The following SMARCA4 variants were observed in gnomAD, a reference collection of about 807,000 sequenced individuals.
SMARCA4 encodes SWI/SNF-related matrix-associated actin-dependent regulator of chromatin subfamily A member 4.
Under a neutral mutation model 193.9 loss-of-function variants are expected in SMARCA4, and 31 were observed. That is an observed-to-expected ratio of 0.16 (90% CI 0.12 to 0.22). The LOEUF (loss-of-function observed/expected upper bound fraction) is 0.22. Among genes scored for constraint, SMARCA4 ranks in the 10% least tolerant of loss-of-function variants. The probability of loss-of-function intolerance (pLI) is 1.00; values close to 1 mark genes in which losing one functional copy is unlikely to be tolerated. For synonymous variants in SMARCA4, 942 were observed against 933.1 expected, an observed-to-expected ratio of 1.01 and a Z score of -0.17; for missense variants, 1,148 against 2,296.0, an observed-to-expected ratio of 0.50 and a Z score of 10.22.
intron 1 of SMARCA4, among the ~76,000 whole-genome samples, chr19:10,963,752 C>T (rs1055860349): frequency 2.7e-5 from 4 of 150,922 alleles, no homozygotes; most frequent in Admixed American, 1.3e-4. Context: ...GCACCTGATG[C>T]GTAGTGAACA....
At chr19:11,057,043 A>G (rs145647929) in intron 30 of SMARCA4, among the ~76,000 whole-genome samples, 1 of 152,360 alleles carries the variant, frequency 6.6e-6, no homozygotes, top group East Asian at 1.9e-4. Context: ...CTGATGAGGC[A>G]GCTGGAGTTA....
chr19:10,985,167 G>T lies in SMARCA4; in HGVS notation c.223-106G>T. 1.7e-6 allele frequency: 2 copies of T among 1,167,578 alleles called. No individual in the cohort carries two copies. The highest frequency in any genetic ancestry group is 2.4e-5 in the East Asian group (1 of 42,476). The allele number at this position is 1,167,578 out of a possible 1,614,324, so 72.3% of individuals were successfully genotyped here. On this transcript the variant is annotated intron_variant, in intron 2 of 34. Transcript: ENST00000344626. The surrounding 1 kb of genome is among the most constrained non-coding windows in gnomAD (Gnocchi z 4.5). The stretch of plus-strand genomic sequence containing the variant: ...GACTGGGGAGATGCGCGTCATCTTC[G>T]GGTGGCTGTTCTCGGTGCCCTCGAG...
chr19:11,056,191 CAG>C (rs932310297), intron 30 of SMARCA4: 14 of 152,378 alleles, frequency 9.2e-5, no homozygotes, highest in African/African-American at 2.9e-4. Context: ...TTTCCCGACT[CAG>C]AGGGGAGTCG....
At chr19:10,973,486 CG>C (rs1422837746) in intron 1 of SMARCA4, among the ~76,000 whole-genome samples, 2 of 151,922 alleles carry the variant, frequency 1.3e-5, no homozygotes, top group Non-Finnish European at 2.9e-5. Context: ...CTGCAAGCTC[CG>C]CCTACCAGGT....
At chr19:11,060,832 T>G (rs2076822624) in intron 34 of SMARCA4, among the ~76,000 whole-genome samples, 1 of 152,202 alleles carries the variant, frequency 6.6e-6, no homozygotes, top group African/African-American at 2.4e-5. Flanking sequence ...GAATGCCATT[T>G]TGTCATCACA....
chr19:11,027,706 G>A (rs2146537603), intron 23 of SMARCA4, 78 bp from the exon 24 acceptor site: 3 of 1,532,128 alleles, frequency 2.0e-6, no homozygotes, highest in Non-Finnish European at 2.7e-6. Flanking sequence ...GGCGGGCGAT[G>A]CACCTCCTGC....
rs1016582247 is a variant in SMARCA4 at position 11,034,794 on chromosome 19, C to A, written c.3952-120C>A. On this transcript the variant is annotated intron_variant, in intron 28 of 34. Coordinates refer to ENST00000344626, the MANE Select transcript of SMARCA4 (RefSeq NM_003072.5). This position sits in a 1 kb window ranked among gnomAD's most constrained non-coding sequence, Gnocchi z 7.0. The stretch of plus-strand genomic sequence containing the variant: ...AAATCGAGAGCTACTGTTTAACTCT[C>A]GCAGCAGCGTGGAGCCCCACGGGCA... The A allele has an allele frequency of 2.7e-6, 2 of 737,538 alleles. No homozygotes were observed. The highest frequency in any genetic ancestry group is 4.8e-6 in the Non-Finnish European group (2 of 420,306). 45.7% of individuals were successfully genotyped at this position (737,538 alleles called of 1,614,324 possible).
At chr19:11,055,349 C>T (rs1257981610) in intron 30 of SMARCA4, among the ~76,000 whole-genome samples, 1 of 152,150 alleles carries the variant, frequency 6.6e-6, no homozygotes, top group Non-Finnish European at 1.5e-5. Flanking sequence ...GTCACCACGC[C>T]TGGCTCATTT....
intron 11 of SMARCA4, among the ~76,000 whole-genome samples, chr19:10,998,627 G>T (rs2087316798): frequency 6.6e-6 from 1 of 150,958 alleles, no homozygotes; most frequent in South Asian, 2.1e-4. Flanking sequence ...CTTTCTCTTT[G>T]GTCCTGTTAG....
chr19:10,963,249 G>C lies in SMARCA4; in HGVS notation c.-32+2075G>C, dbSNP rs1006772544. On this transcript the variant is annotated intron_variant, in intron 1 of 34. Coordinates refer to ENST00000344626, the MANE Select transcript of SMARCA4 (RefSeq NM_003072.5). ...TTAGCCGAGTGTGGTGGCATGCACC[G>C]GTGGTCCCAACTACTCAGGAGGCTG... is the stretch of plus-strand genomic sequence containing the variant. Among the ~76,000 whole-genome samples the C allele has an allele frequency of 2.6e-5, 4 of 151,552 alleles. No individual in the cohort carries two copies. The Admixed American group carries it at 2.6e-4, about 10-fold the overall frequency.
chr19:11,027,025 A>ACT (rs2090314877), intron 23 of SMARCA4, among the ~76,000 whole-genome samples: 1 of 151,882 alleles, frequency 6.6e-6, no homozygotes, highest in African/African-American at 2.4e-5. Flanking sequence ...GGCAGCCCAG[A>ACT]CTCCTTTAAG....
chr19:10,972,512 C>G (rs933280458), intron 1 of SMARCA4, among the ~76,000 whole-genome samples: 1 of 151,804 alleles, frequency 6.6e-6, no homozygotes, highest in Non-Finnish European at 1.5e-5. Context: ...TTGTGTTGTT[C>G]TCTGCCAGAT....
At chr19:11,038,485 T>A (rs183566565) in intron 29 of SMARCA4, among the ~76,000 whole-genome samples, 5 of 152,280 alleles carry the variant, frequency 3.3e-5, no homozygotes, top group Admixed American at 3.3e-4. Flanking sequence ...TTTGACCCGG[T>A]TGCCTTCCAT....
chr19:11,029,260 C>T (rs2146570420), intron 24 of SMARCA4, among the ~76,000 whole-genome samples: 1 of 152,378 alleles, frequency 6.6e-6, no homozygotes, highest in South Asian at 2.1e-4. Flanking sequence ...AGGGCCAAGG[C>T]TTCCTGAGGG....
At chr19:10,967,120 T>C (rs376014739) in intron 1 of SMARCA4, among the ~76,000 whole-genome samples, 2 of 152,214 alleles carry the variant, frequency 1.3e-5, no homozygotes, top group East Asian at 1.9e-4. Flanking sequence ...TAATCATTAA[T>C]TTTTCAGGGT....
At chr19:11,014,932 C>T (rs1239528118) in intron 16 of SMARCA4, among the ~76,000 whole-genome samples, 1 of 152,060 alleles carries the variant, frequency 6.6e-6, no homozygotes, top group Admixed American at 6.6e-5. Flanking sequence ...CCTGCCTCAG[C>T]CTCCCGAGTA....
rs560053772 is a variant in SMARCA4, at chr19:11,003,531, G to T, written c.2001+134G>T. The stretch of plus-strand genomic sequence containing the variant: ...GGAACAGCAGGGCCCAGGCCTGCCC[G>T]AAGTCGGTGCTTTAGAGCTGTCCTA... On this transcript the variant is annotated intron_variant, in intron 13 of 34. Coordinates refer to ENST00000344626, the MANE Select transcript of SMARCA4 (RefSeq NM_003072.5). 4.4e-4 allele frequency: 360 copies of T among 815,474 alleles called. 5 individuals carry two copies. The African/African-American group carries it at 5.4e-3, about 12-fold the overall frequency. 50.5% of individuals were successfully genotyped at this position (815,474 alleles called of 1,614,324 possible). A position where few individuals can be genotyped will look rare whatever the true frequency, so the allele number is the denominator to read the frequency against.
At chr19:11,004,471 G>A (rs1367308305) in intron 13 of SMARCA4, among the ~76,000 whole-genome samples, 4 of 152,130 alleles carry the variant, frequency 2.6e-5, no homozygotes, top group Non-Finnish European at 4.4e-5. Context: ...GGCTGGTCTC[G>A]AACTGCTGAC....
intron 1 of SMARCA4, among the ~76,000 whole-genome samples, chr19:10,966,135 A>T (rs1490054607): frequency 6.6e-6 from 1 of 151,922 alleles, no homozygotes; most frequent in Non-Finnish European, 1.5e-5. Flanking sequence ...GGTGCCCGCC[A>T]CCATGCCTGG....
Sources: gnomAD v4.1 joint callset for allele counts (sites outside exome capture counted in the v4.1 genomes callset) on GRCh38, gnomAD v4.1.1 for gene constraint, Gnocchi (gnomAD v3.1) non-coding constraint, MANE v1.5 for transcripts, NCBI Gene and HGNC (gene_info 2026-07-23, HGNC 2026-07-21) for gene names.